LDHAL6A: variants seen among roughly 807,000 people sequenced by gnomAD.
LDHAL6A encodes the protein lactate dehydrogenase A like 6A.
A neutral mutation model predicts 28.2 loss-of-function variants in LDHAL6A; 19 were observed. That is an observed-to-expected ratio of 0.67 (90% confidence interval 0.47 to 0.99). LDHAL6A has a LOEUF of 0.99. LDHAL6A is among the 50% of genes least tolerant of loss of function. The pLI, the probability that LDHAL6A is intolerant of heterozygous loss-of-function variation, is 0.00. For synonymous variants in LDHAL6A, 144 were observed against 134.4 expected (o/e 1.07, Z -0.49); for missense variants, 372 against 398.6 (o/e 0.93, Z 0.57).
Position 18,478,958 on chromosome 11 carries a change from T to C in LDHAL6A, c.*88T>C, listed in dbSNP as rs1052337496. ...AAACTTTTGAATAAATTTGAATTTC[T>C]AAAAGTTGGAAAAATAGAGGAAAGA... On this transcript the variant is annotated 3_prime_UTR_variant, in exon 7 of 7. Coordinates refer to ENST00000280706, the MANE Select transcript of LDHAL6A (RefSeq NM_144972.5). 78 of 1,189,908 alleles carry C rather than the reference T, an allele frequency of 6.6e-5. No homozygotes were observed. In the East Asian group the frequency reaches 1.8e-3, roughly 27 times the overall value. The allele number at this position is 1,189,908 out of a possible 1,614,324, so 73.7% of individuals were successfully genotyped here. A position where few individuals can be genotyped will look rare whatever the true frequency, so the allele number is the denominator to read the frequency against.
At chr11:18,462,128 A>G (rs1320777157) in intron 1 of LDHAL6A, among the ~76,000 whole-genome samples, 1 of 152,140 alleles carries the variant, frequency 6.6e-6, no homozygotes, top group Non-Finnish European at 1.5e-5. Context: ...AGTCATGATC[A>G]TGCTACTGTA....
chr11:18,461,911 T>A (rs1289291695), intron 1 of LDHAL6A, among the ~76,000 whole-genome samples: 1 of 147,578 alleles, frequency 6.8e-6, no homozygotes, highest in Non-Finnish European at 1.5e-5. Flanking sequence ...GTAACTTTGG[T>A]AGGCTGAGGC....
chr11:18,469,914 TC>T (rs976800993), intron 3 of LDHAL6A, among the ~76,000 whole-genome samples: 2 of 152,116 alleles, frequency 1.3e-5, no homozygotes, highest in East Asian at 1.9e-4. Flanking sequence ...AAAGATTTTT[TC>T]CCCCCCGAAT....
chr11:18,456,244 T>C lies in LDHAL6A; in HGVS notation c.-437T>C. ...TCACCCCTGTGAGTGTGGCCAGAAG[T>C]ACCTCTCACCTGGACCTGCGGACCC... On this transcript the variant is annotated 5_prime_UTR_variant, in exon 1 of 7. Transcript: ENST00000280706. The C allele has an allele frequency of 5.8e-6, 1 of 173,106 alleles. No homozygotes were observed. Among genetic ancestry groups the C allele is most frequent in the Non-Finnish European group, 1.2e-5 (1 of 82,284 alleles). The allele number at this position is 173,106 out of a possible 1,614,324, so 10.7% of individuals were successfully genotyped here.
At chr11:18,467,876 C>CAT (rs1565070722) in intron 3 of LDHAL6A, among the ~76,000 whole-genome samples, 4 of 33,524 alleles carry the variant, frequency 1.2e-4, no homozygotes, top group African/African-American at 8.8e-4. Context: ...TATATATATA[C>CAT]ACACATATAT....
intron 1 of LDHAL6A, among the ~76,000 whole-genome samples, chr11:18,457,324 A>G (rs953333830): frequency 6.6e-6 from 1 of 152,184 alleles, no homozygotes; most frequent in Admixed American, 6.5e-5. Context: ...TTATGGCTAT[A>G]GACAGAGGCC....
intron 3 of LDHAL6A, among the ~76,000 whole-genome samples, chr11:18,468,052 TATATATATAC>T (rs762666861): frequency 0.46 from 17,892 of 39,124 alleles, 3,987 homozygotes; most frequent in Admixed American, 0.54. Context: ...TATATACGTA[TATATATATAC>T]ATATATATAT....
At chr11:18,471,210 G>GTTTTTTTT (rs71313425) in intron 3 of LDHAL6A, among the ~76,000 whole-genome samples, 1 of 138,886 alleles carries the variant, frequency 7.2e-6, no homozygotes, top group Non-Finnish European at 1.6e-5. Context: ...AACTTTAGAA[G>GTTTTTTTT]TTTTTTTTTT....
chr11:18,456,919 G>A (rs1848774133), intron 1 of LDHAL6A, 113 bp downstream of exon 1: 2 of 1,105,516 alleles, frequency 1.8e-6, no homozygotes, highest in Admixed American at 2.9e-5. Flanking sequence ...CCAGTGTGAG[G>A]GGCATCAGAG....
At chr11:18,459,066 A>G (rs1590244310) in intron 1 of LDHAL6A, among the ~76,000 whole-genome samples, 1 of 152,162 alleles carries the variant, frequency 6.6e-6, no homozygotes, top group Non-Finnish European at 1.5e-5. Context: ...ACACCTTAGT[A>G]TGGTGTGGTG....
intron 2 of LDHAL6A, among the ~76,000 whole-genome samples, chr11:18,465,315 G>T (rs1849036256): frequency 6.6e-6 from 1 of 151,712 alleles, no homozygotes; most frequent in African/African-American, 2.4e-5. Context: ...TAGAGATGGG[G>T]TTTTGCCATG....
At chr11:18,458,321 A>G (rs1327937756) in intron 1 of LDHAL6A, among the ~76,000 whole-genome samples, 2 of 152,216 alleles carry the variant, frequency 1.3e-5, no homozygotes, top group African/African-American at 4.8e-5. Flanking sequence ...CCCACCGGGC[A>G]TGTAAGAGCA....
intron 3 of LDHAL6A, among the ~76,000 whole-genome samples, chr11:18,474,648 A>G (rs1430791872): frequency 1.3e-5 from 2 of 152,048 alleles, no homozygotes; most frequent in Non-Finnish European, 2.9e-5. Flanking sequence ...CGGCCTCCCA[A>G]AGTAATGGGA....
Position 18,475,558 on chromosome 11 carries a change from C to G in LDHAL6A, c.511C>G (p.Arg171Gly). The G allele has an allele frequency of 6.2e-7, 1 of 1,614,094 alleles. No homozygotes were observed. Among genetic ancestry groups the G allele is most frequent in the Non-Finnish European group, 8.5e-7 (1 of 1,179,990 alleles). The change falls in exon 4 of 7, where the codon CGT becomes GGT. Residue 171 changes from arginine to glycine, a missense_variant. Transcript: ENST00000280706. ...TTGTAATCTGGACTCTGCTCGTTTT[C>G]GTTACTTTATTGGGCAAAGGCTTGG... ...SGCNLDSARF[R>G]YFIGQRLGIH... is the part of the protein sequence containing the mutation.
chr11:18,464,978 T>TTTTTTTG (rs1849018632), intron 2 of LDHAL6A, among the ~76,000 whole-genome samples: 20 of 4,480 alleles, frequency 4.5e-3, no homozygotes, highest in East Asian at 0.12. Context: ...GTTTTTTTTG[T>TTTTTTTG]TTTTTTTTGT....
chr11:18,465,848 C>T (rs374972931), intron 3 of LDHAL6A, 38 bp downstream of exon 3: 96 of 1,517,004 alleles, frequency 6.3e-5, no homozygotes, highest in African/African-American at 1.9e-4. Flanking sequence ...CTTTTAGATT[C>T]GGGGGTACAC....
chr11:18,477,696 AT>A lies in LDHAL6A; in HGVS notation c.791del (p.Leu264Ter). ...ATCTGTAGCTGATTTAACAGAAAGT[AT>A]TTTGAAGAATCTTAGGAGAGTGCAT... ...SLSVADLTES[I>X]LKNLRRVHPV... On this transcript the variant is annotated frameshift_variant, in exon 6 of 7. Coordinates refer to ENST00000280706, the MANE Select transcript of LDHAL6A (RefSeq NM_144972.5). LOFTEE classifies it low-confidence loss of function (END_TRUNC). 6.2e-7 allele frequency: 1 copy of A among 1,613,428 alleles called. No individual in the cohort carries two copies. Among genetic ancestry groups the A allele is most frequent in the African/African-American group, 1.3e-5 (1 of 75,006 alleles).
chr11:18,456,994 T>C (rs913405635), intron 1 of LDHAL6A, among the ~76,000 whole-genome samples, 188 bp downstream of exon 1: 14 of 152,202 alleles, frequency 9.2e-5, no homozygotes, highest in African/African-American at 3.4e-4. Flanking sequence ...TGTATGATGA[T>C]ATCATGTGGG....
chr11:18,476,975 G>C (rs756002126), intron 5 of LDHAL6A, among the ~76,000 whole-genome samples: 6 of 148,482 alleles, frequency 4.0e-5, no homozygotes, highest in Non-Finnish European at 9.0e-5. Context: ...CCCCATCTCT[G>C]CTGAGGTGTG....
Sources: allele counts gnomAD v4.1 joint callset (sites outside exome capture counted in the v4.1 genomes callset), GRCh38; gene constraint gnomAD v4.1.1; transcripts MANE v1.5; gene names NCBI Gene and HGNC (gene_info 2026-07-23, HGNC 2026-07-21).